RNF111: variants seen among roughly 807,000 people sequenced by gnomAD.
RNF111 encodes the protein E3 ubiquitin-protein ligase Arkadia.
In RNF111, 17 loss-of-function variants were observed where a neutral mutation model predicts 95.1. That is an observed-to-expected ratio of 0.18 (90% CI 0.12 to 0.27). The LOEUF is 0.27. Ranked by LOEUF, RNF111 falls within the 10% of genes least tolerant of loss-of-function variation. The pLI, the probability that RNF111 is intolerant of heterozygous loss-of-function variation, is 1.00. For missense variants in RNF111, 1,189 were observed against 1,210.4 expected (o/e 0.98, Z 0.26); for synonymous variants, 440 against 414.8 (o/e 1.06, Z -0.74).
intron 1 of RNF111, among the ~76,000 whole-genome samples, chr15:59,000,535 A>G (rs1418136248): frequency 1.4e-5 from 2 of 146,968 alleles, no homozygotes; most frequent in East Asian, 2.0e-4. Flanking sequence ...AACTTGGGGA[A>G]ACCCTGTCTC....
Position 59,030,849 on chromosome 15 carries a change from C to G in RNF111, c.27C>G (p.Asn9Lys), listed in dbSNP as rs2899642. The G allele has an allele frequency of 0.42, 670,466 of 1,601,194 alleles. 150,095 individuals are homozygous for G. Among genetic ancestry groups the G allele is most frequent in the Non-Finnish European group, 0.47 (547,923 of 1,172,166 alleles). Residue 9 changes from asparagine (N) to lysine (K), a missense_variant, in exon 2 of 14, where the codon AAC becomes AAG. Coordinates refer to ENST00000348370, the MANE Select transcript of RNF111 (RefSeq NM_017610.8). ...TGTCTCAATGGACTCCTGAATATAACGAGCTCTACACCTTAAAAGTGGATA... is the reference window on the plus strand; with the variant it reads ...TGTCTCAATGGACTCCTGAATATAAGGAGCTCTACACCTTAAAAGTGGATA... Reference protein sequence around the residue: MSQWTPEYNELYTLKVDMK... With the variant: MSQWTPEYKELYTLKVDMK...
At chr15:59,036,771 C>T (rs2041200159) in intron 2 of RNF111, among the ~76,000 whole-genome samples, 1 of 152,016 alleles carries the variant, frequency 6.6e-6, no homozygotes, top group Non-Finnish European at 1.5e-5. Context: ...ACTCCAAGAC[C>T]CAACAGTTGT....
chr15:59,028,909 A>T (rs1451300844), intron 1 of RNF111, among the ~76,000 whole-genome samples: 1 of 151,704 alleles, frequency 6.6e-6, no homozygotes, highest in Non-Finnish European at 1.5e-5. Flanking sequence ...CCTCCCAAGT[A>T]GCTGGGATTA....
chr15:59,023,705 G>A (rs1249074701), intron 1 of RNF111, among the ~76,000 whole-genome samples: 5 of 152,112 alleles, frequency 3.3e-5, no homozygotes, highest in Non-Finnish European at 7.4e-5. Flanking sequence ...CTTTCCAGAA[G>A]AATGTTTTAT....
chr15:59,071,308 A>G (rs1320780568), intron 6 of RNF111, among the ~76,000 whole-genome samples: 2 of 150,892 alleles, frequency 1.3e-5, no homozygotes, highest in East Asian at 3.9e-4. Flanking sequence ...CAAAAAAAAA[A>G]AAAAAAAAAG....
At chr15:59,058,878 T>C (rs1370380079) in intron 5 of RNF111, among the ~76,000 whole-genome samples, 1 of 152,190 alleles carries the variant, frequency 6.6e-6, no homozygotes, top group African/African-American at 2.4e-5. Flanking sequence ...TTAAAGGATA[T>C]TATCAAGACA....
intron 1 of RNF111, chr15:59,004,230 C>A: frequency 3.7e-6 from 2 of 543,904 alleles, no homozygotes; most frequent in Non-Finnish European, 5.2e-6. Context: ...TAAAATACTC[C>A]TTCTTTTCTC....
intron 1 of RNF111, among the ~76,000 whole-genome samples, chr15:59,004,801 CA>C (rs2141475394): frequency 6.6e-6 from 1 of 152,264 alleles, no homozygotes; most frequent in South Asian, 2.1e-4. Context: ...ATCATGTTTT[CA>C]TTGTTAAATA....
chr15:59,021,501 A>C (rs1244262170), intron 1 of RNF111, among the ~76,000 whole-genome samples: 1 of 152,142 alleles, frequency 6.6e-6, no homozygotes, highest in African/African-American at 2.4e-5. Context: ...TGTAAGAGAA[A>C]GTCTTAAATG....
chr15:59,087,749 G>T (rs546975313), intron 10 of RNF111, among the ~76,000 whole-genome samples: 1 of 151,994 alleles, frequency 6.6e-6, no homozygotes, highest in East Asian at 1.9e-4. Flanking sequence ...GGCAGAGGTG[G>T]CAGAAAATCT....
intron 1 of RNF111, among the ~76,000 whole-genome samples, chr15:59,022,424 AC>A (rs2040390975): frequency 1.3e-5 from 2 of 152,290 alleles, no homozygotes; most frequent in South Asian, 4.1e-4. Flanking sequence ...GTTATCCTAG[AC>A]AGACCTCCCA....
At chr15:58,994,309 G>A (rs1267527360) in intron 1 of RNF111, among the ~76,000 whole-genome samples, 2 of 151,684 alleles carry the variant, frequency 1.3e-5, no homozygotes, top group Non-Finnish European at 2.9e-5. Context: ...AAAGTGCTGG[G>A]ATTACAGGCG....
intron 2 of RNF111, among the ~76,000 whole-genome samples, chr15:59,032,063 C>A (rs578089482): frequency 3.3e-5 from 5 of 152,146 alleles, no homozygotes; most frequent in East Asian, 1.9e-4. Context: ...GTCAGCCTCC[C>A]AAGTAGCCAG....
intron 1 of RNF111, among the ~76,000 whole-genome samples, chr15:59,013,740 T>G (rs1223694680): frequency 1.3e-5 from 2 of 152,212 alleles, no homozygotes; most frequent in Non-Finnish European, 2.9e-5. Flanking sequence ...TTGGAATTCT[T>G]CTGTAAGGAA....
At chr15:59,012,307 C>T (rs115307273) in intron 1 of RNF111, among the ~76,000 whole-genome samples, 4,488 of 152,228 alleles carry the variant, frequency 0.029, 220 homozygotes, top group African/African-American at 0.1. Context: ...GCGTGAGCCA[C>T]TGCACCTGGC....
chr15:59,077,454 A>G (rs1485244949), intron 7 of RNF111, among the ~76,000 whole-genome samples: 3 of 152,236 alleles, frequency 2.0e-5, no homozygotes, highest in Non-Finnish European at 4.4e-5. Context: ...TAACTGTTCT[A>G]TAAAAACTTT....
chr15:59,076,129 A>G lies in RNF111; in HGVS notation c.1862A>G (p.Tyr621Cys), dbSNP rs377019284. Residue 621 changes from tyrosine to cysteine, a missense_variant, in exon 7 of 14, where the codon TAT (tyrosine) becomes TGT (cysteine). Physicochemically the swap from Tyr to Cys is radical, Grantham distance 194. Coordinates refer to ENST00000348370, the MANE Select transcript of RNF111 (RefSeq NM_017610.8). ...CAACCTTTATCATCAATAGATGGCT[A>G]TGGATCAAGCATGGTTGCGCAGCCC... ...PSQPLSSIDG[Y>C]GSSMVAQPQP... 3.2e-5 allele frequency: 51 copies of G among 1,614,040 alleles called. No homozygotes were observed. The highest frequency in any genetic ancestry group is 3.9e-5 in the Non-Finnish European group (46 of 1,180,052).
At chr15:59,021,721 G>T (rs2040353936) in intron 1 of RNF111, among the ~76,000 whole-genome samples, 1 of 152,148 alleles carries the variant, frequency 6.6e-6, no homozygotes, top group Non-Finnish European at 1.5e-5. Flanking sequence ...GTAACTCAGT[G>T]ATCCCTGGAT....
chr15:59,018,622 A>C (rs2040183902), intron 1 of RNF111, among the ~76,000 whole-genome samples: 1 of 152,156 alleles, frequency 6.6e-6, no homozygotes. Flanking sequence ...ATAAATTTCT[A>C]CCCTATTGTT....
Sources: gnomAD v4.1 joint callset for allele counts (sites outside exome capture counted in the v4.1 genomes callset) on GRCh38, gnomAD v4.1.1 for gene constraint, MANE v1.5 for transcripts, NCBI Gene and HGNC (gene_info 2026-07-23, HGNC 2026-07-21) for gene names.